ACAP2: variants seen among roughly 807,000 people sequenced by gnomAD.
ACAP2 encodes ArfGAP with coiled-coil, ankyrin repeat and PH domains 2.
A neutral mutation model predicts 115.8 loss-of-function variants in ACAP2; 39 were observed. The observed-to-expected ratio is 0.34, with a 90% CI of 0.26 to 0.44. The LOEUF is 0.44. ACAP2 is among the 20% of genes least tolerant of loss of function. The pLI is 1.00. For synonymous variants in ACAP2, 289 were observed against 315.8 expected (o/e 0.92, Z 0.90); for missense variants, 662 against 927.6 (o/e 0.71, Z 3.72).
intron 1 of ACAP2, among the ~76,000 whole-genome samples, chr3:195,425,026 CAAAAAAAAAAAAAA>C (rs10690317): frequency 2.0e-3 from 54 of 26,644 alleles, no homozygotes; most frequent in Non-Finnish European, 3.2e-3. Flanking sequence ...GACTCCGTCT[CAAAAAAAAAAAAAA>C]AAAAAAAAAA....
intron 13 of ACAP2, among the ~76,000 whole-genome samples, chr3:195,304,828 A>G (rs1310628059): frequency 6.6e-6 from 1 of 152,232 alleles, no homozygotes; most frequent in Non-Finnish European, 1.5e-5. Context: ...CACAGTCAAC[A>G]AAGTCCTAAT....
At chr3:195,279,729 G>A (rs930768620) in intron 22 of ACAP2, 3 of 180,122 alleles carry the variant, frequency 1.7e-5, no homozygotes, top group African/African-American at 4.7e-5. Flanking sequence ...ATTAACACAC[G>A]GGGGGGAAAA....
At chr3:195,421,822 A>G (rs1359385772) in intron 1 of ACAP2, among the ~76,000 whole-genome samples, 4 of 152,242 alleles carry the variant, frequency 2.6e-5, no homozygotes, top group Non-Finnish European at 5.9e-5. Flanking sequence ...TTCACCTGGA[A>G]AGATTATTTC....
At chr3:195,376,769 A>G (rs768055790) in intron 4 of ACAP2, among the ~76,000 whole-genome samples, 15 of 152,212 alleles carry the variant, frequency 9.9e-5, no homozygotes, top group Non-Finnish European at 2.1e-4. Flanking sequence ...TCAAACATCT[A>G]TTTAAGCCCA....
At chr3:195,416,643 T>C (rs1713754933) in intron 1 of ACAP2, among the ~76,000 whole-genome samples, 2 of 152,136 alleles carry the variant, frequency 1.3e-5, no homozygotes, top group Non-Finnish European at 2.9e-5. Flanking sequence ...AGTGTTCATT[T>C]TTCACAAAGA....
At chr3:195,420,707 A>G (rs1261378291) in intron 1 of ACAP2, among the ~76,000 whole-genome samples, 1 of 151,702 alleles carries the variant, frequency 6.6e-6, no homozygotes, top group East Asian at 1.9e-4. Flanking sequence ...CAGTGGCGCC[A>G]TCTCAGCTCA....
chr3:195,374,932 G>A (rs979376090), intron 4 of ACAP2, among the ~76,000 whole-genome samples: 4 of 151,540 alleles, frequency 2.6e-5, no homozygotes, highest in African/African-American at 9.7e-5. Flanking sequence ...TGGCTCACTC[G>A]TGTAATCCCA....
At chr3:195,360,797 C>G (rs543049975) in intron 4 of ACAP2, among the ~76,000 whole-genome samples, 1 of 141,876 alleles carries the variant, frequency 7.0e-6, no homozygotes, top group Admixed American at 7.2e-5. Context: ...GACTCCATCT[C>G]AAAAAAATAA....
chr3:195,379,563 C>T (rs1733809046), intron 4 of ACAP2, among the ~76,000 whole-genome samples: 2 of 152,104 alleles, frequency 1.3e-5, no homozygotes, highest in South Asian at 2.1e-4. Context: ...GAGGCTGAGG[C>T]GGGAGGACGG....
chr3:195,298,665 CTT>C (rs35958899), intron 15 of ACAP2, among the ~76,000 whole-genome samples: 3,282 of 151,952 alleles, frequency 0.022, 113 homozygotes, highest in East Asian at 0.1. Flanking sequence ...GAGTTTCCCT[CTT>C]GTTGCCCAGG....
chr3:195,290,502 C>T (rs1346666959), intron 20 of ACAP2, among the ~76,000 whole-genome samples: 1 of 152,066 alleles, frequency 6.6e-6, no homozygotes, highest in Non-Finnish European at 1.5e-5. Flanking sequence ...TAGAAGAAAA[C>T]AAGCCATGAT....
intron 10 of ACAP2, among the ~76,000 whole-genome samples, chr3:195,311,807 G>C (rs1019913724): frequency 1.3e-5 from 2 of 152,132 alleles, no homozygotes; most frequent in African/African-American, 4.8e-5. Flanking sequence ...AAAGTGCTGG[G>C]ATTACAGGCA....
intron 4 of ACAP2, among the ~76,000 whole-genome samples, chr3:195,346,054 T>A (rs1274728349): frequency 6.6e-6 from 1 of 152,174 alleles, no homozygotes; most frequent in Non-Finnish European, 1.5e-5. Flanking sequence ...CTCCATTCTT[T>A]TACTAATTGA....
intron 4 of ACAP2, among the ~76,000 whole-genome samples, chr3:195,364,007 A>C (rs981194755): frequency 6.6e-6 from 1 of 152,220 alleles, no homozygotes; most frequent in Non-Finnish European, 1.5e-5. Flanking sequence ...AACTACTAAA[A>C]GAAAACATTG....
intron 1 of ACAP2, among the ~76,000 whole-genome samples, chr3:195,434,216 G>A (rs1243395635): frequency 2.7e-5 from 4 of 150,398 alleles, no homozygotes; most frequent in South Asian, 2.1e-4. Context: ...GGAATGAACC[G>A]CCATGTTTGG....
At chr3:195,318,067 A>G (rs1367950493) in intron 10 of ACAP2, among the ~76,000 whole-genome samples, 1 of 152,114 alleles carries the variant, frequency 6.6e-6, no homozygotes. Flanking sequence ...TGATAGTTTA[A>G]AAGTGGCAGT....
intron 11 of ACAP2, 33 bp downstream of exon 11, chr3:195,308,753 T>A: frequency 6.5e-7 from 1 of 1,548,740 alleles, no homozygotes; most frequent in South Asian, 1.1e-5. Flanking sequence ...CTGAAACTGG[T>A]AACTCACTGG....
At chr3:195,372,666 A>T (rs991016606) in intron 4 of ACAP2, among the ~76,000 whole-genome samples, 1 of 152,074 alleles carries the variant, frequency 6.6e-6, no homozygotes, top group African/African-American at 2.4e-5. Flanking sequence ...TACAAAAAAA[A>T]ATTAGCCAGG....
At chr3:195,399,473 A>T (rs1425360811) in intron 1 of ACAP2, among the ~76,000 whole-genome samples, 1 of 152,244 alleles carries the variant, frequency 6.6e-6, no homozygotes, top group South Asian at 2.1e-4. Flanking sequence ...CGTGAGCCAT[A>T]ACACTTGGCC....
Sources: gnomAD v4.1 joint callset for allele counts (sites outside exome capture counted in the v4.1 genomes callset) on GRCh38, gnomAD v4.1.1 for gene constraint, MANE v1.5 for transcripts, NCBI Gene and HGNC (gene_info 2026-07-23, HGNC 2026-07-21) for gene names.